C1QTNF3: variants seen among roughly 807,000 people sequenced by gnomAD.
C1QTNF3 encodes C1q and TNF related 3.
C1QTNF3 carries 26 observed loss-of-function variants against 32.6 expected under a neutral mutation model. The observed-to-expected ratio is 0.80, with a 90% CI of 0.58 to 1.11. The LOEUF (loss-of-function observed/expected upper bound fraction) is 1.11. Ranked by LOEUF, C1QTNF3 falls within the 50% of genes least tolerant of loss-of-function variation. C1QTNF3 has a pLI of 0.00. For synonymous variants in C1QTNF3, 155 were observed against 146.0 expected (o/e 1.06, Z -0.44); for missense variants, 362 against 398.2 (o/e 0.91, Z 0.77).
the C1QTNF3 span, among the ~76,000 whole-genome samples, chr5:34,100,537 A>G: frequency 1.3e-5 from 2 of 151,952 alleles, no homozygotes; most frequent in Non-Finnish European, 2.9e-5. Context: ...TATATTGTGT[A>G]ATAACATAAT....
the C1QTNF3 span, among the ~76,000 whole-genome samples, chr5:34,159,839 A>C: frequency 6.6e-6 from 1 of 152,018 alleles, no homozygotes; most frequent in African/African-American, 2.4e-5. Flanking sequence ...GCATTAAAAA[A>C]AAAAACCGGA....
At chr5:34,044,989 A>G (rs1326591286), upstream of C1QTNF3, among the ~76,000 whole-genome samples, 1 of 152,102 alleles carries the variant, frequency 6.6e-6, no homozygotes, top group Non-Finnish European at 1.5e-5. Context: ...TTGGAGGGTG[A>G]GCAAGTGGAT....
the C1QTNF3 span, among the ~76,000 whole-genome samples, chr5:34,128,802 A>G: frequency 6.6e-6 from 1 of 152,160 alleles, no homozygotes; most frequent in African/African-American, 2.4e-5. Context: ...TCATAGGCGG[A>G]AGGGACTTGT....
the C1QTNF3 span, among the ~76,000 whole-genome samples, chr5:34,058,960 A>T: frequency 3.3e-5 from 5 of 152,196 alleles, no homozygotes; most frequent in Non-Finnish European, 7.3e-5. Context: ...GGAAGAGGTC[A>T]AGACGAGAAA....
the C1QTNF3 span, among the ~76,000 whole-genome samples, chr5:34,138,207 T>A: frequency 1.3e-5 from 2 of 152,206 alleles, no homozygotes; most frequent in Admixed American, 1.3e-4. Context: ...ATCCAGTCTC[T>A]TGTATTTTGT....
At chr5:34,087,405 A>G in the C1QTNF3 span, among the ~76,000 whole-genome samples, 1 of 152,194 alleles carries the variant, frequency 6.6e-6, no homozygotes, top group African/African-American at 2.4e-5. Flanking sequence ...GAGGAGCCGA[A>G]TATTTTATGT....
At chr5:34,036,825 G>T (rs966529989) in intron 1 of C1QTNF3, among the ~76,000 whole-genome samples, 1 of 152,120 alleles carries the variant, frequency 6.6e-6, no homozygotes, top group African/African-American at 2.4e-5. Flanking sequence ...GCTGGTGCAT[G>T]CCTGTAATCC....
At chr5:34,094,574 G>T in the C1QTNF3 span, among the ~76,000 whole-genome samples, 2 of 150,108 alleles carry the variant, frequency 1.3e-5, no homozygotes, top group African/African-American at 4.9e-5. Flanking sequence ...CTTATTTTCT[G>T]TAATTTTTAC....
the C1QTNF3 span, among the ~76,000 whole-genome samples, chr5:34,237,944 C>T: frequency 9.6e-4 from 146 of 152,312 alleles, no homozygotes; most frequent in Admixed American, 1.7e-3. Context: ...AACAGCCAAG[C>T]CACTGGGTAT....
At chr5:34,236,962 G>A in the C1QTNF3 span, among the ~76,000 whole-genome samples, 1 of 152,064 alleles carries the variant, frequency 6.6e-6, no homozygotes. Context: ...ATTCAATTTG[G>A]AAGTTTAATT....
chr5:34,162,899 C>T, the C1QTNF3 span, among the ~76,000 whole-genome samples: 1 of 152,060 alleles, frequency 6.6e-6, no homozygotes, highest in East Asian at 1.9e-4. Context: ...CTTGCCTACC[C>T]TTTTCTTTGC....
the C1QTNF3 span, among the ~76,000 whole-genome samples, chr5:34,113,709 T>C: frequency 1.3e-5 from 2 of 152,200 alleles, no homozygotes; most frequent in African/African-American, 4.8e-5. Context: ...TATATCCATA[T>C]AGCAAACATA....
the C1QTNF3 span, among the ~76,000 whole-genome samples, chr5:34,109,418 G>C: frequency 6.6e-6 from 1 of 152,182 alleles, no homozygotes; most frequent in East Asian, 1.9e-4. Flanking sequence ...GCAAGAACCA[G>C]ACTCTGCTAT....
the C1QTNF3 span, among the ~76,000 whole-genome samples, chr5:34,139,515 A>C: frequency 3.3e-5 from 5 of 152,240 alleles, no homozygotes; most frequent in African/African-American, 1.2e-4. Flanking sequence ...AAAAGGAAAA[A>C]TACAATCAAT....
chr5:34,236,318 G>A, the C1QTNF3 span, among the ~76,000 whole-genome samples: 1 of 151,864 alleles, frequency 6.6e-6, no homozygotes, highest in Non-Finnish European at 1.5e-5. Context: ...TTGAACCCAG[G>A]AGGTGGAGGT....
At chr5:34,088,943 T>G in the C1QTNF3 span, among the ~76,000 whole-genome samples, 22 of 152,136 alleles carry the variant, frequency 1.4e-4, no homozygotes, top group East Asian at 3.7e-3. Context: ...CCTGTATTTT[T>G]TTTTGATAAC....
At position 34,036,724 on chromosome 5, in the gene C1QTNF3, G is replaced by A. The variant is rs181829975; in HGVS notation, c.304-966C>T. Among the ~76,000 whole-genome samples the A allele has an allele frequency of 5.0e-4, 76 of 152,292 alleles. No homozygotes were observed. The East Asian group carries it at 0.014, about 29-fold the overall frequency. On this transcript the variant is annotated intron_variant, in intron 1 of 5. Coordinates refer to ENST00000382065, the MANE Select transcript of C1QTNF3 (RefSeq NM_181435.6). ...CCCAGCACTTTTGGAGGCCGAGGCA[G>A]GTGGATCACCTGAGGTCAGGAGTTG...
chr5:34,061,033 C>T, the C1QTNF3 span, among the ~76,000 whole-genome samples: 1 of 152,232 alleles, frequency 6.6e-6, no homozygotes, highest in Admixed American at 6.5e-5. Flanking sequence ...AAGTTAGTTA[C>T]TTCCTAGATA....
chr5:34,144,590 T>C, the C1QTNF3 span, among the ~76,000 whole-genome samples: 2 of 152,040 alleles, frequency 1.3e-5, no homozygotes, highest in Non-Finnish European at 2.9e-5. Context: ...ACTTTCAGAA[T>C]AGAATGCAAT....
Sources: gnomAD v4.1 joint callset for allele counts (sites outside exome capture counted in the v4.1 genomes callset) on GRCh38, gnomAD v4.1.1 for gene constraint, MANE v1.5 for transcripts, NCBI Gene and HGNC (gene_info 2026-07-23, HGNC 2026-07-21) for gene names.